Variants in RBL2 observed in about 807,000 individuals in gnomAD.
The protein encoded by RBL2 is retinoblastoma-like protein 2.
Under a neutral mutation model 126.0 loss-of-function variants are expected in RBL2, and 56 were observed. That is an observed-to-expected ratio of 0.44 (90% CI 0.36 to 0.56). The LOEUF (loss-of-function observed/expected upper bound fraction) is 0.56. Among genes scored for constraint, RBL2 ranks in the 20% least tolerant of loss-of-function variants. The pLI is 0.00. For synonymous variants in RBL2, 454 were observed against 478.5 expected, an observed-to-expected ratio of 0.95 and a Z score of 0.67; for missense variants, 1,229 against 1,398.2, an observed-to-expected ratio of 0.88 and a Z score of 1.93.
chr16:53,485,101 GA>G (rs1961112917), intron 21 of RBL2, among the ~76,000 whole-genome samples: 2 of 152,054 alleles, frequency 1.3e-5, no homozygotes, highest in South Asian at 4.2e-4. Context: ...ATTATCAACT[GA>G]TTGACATTTA....
At chr16:53,459,424 A>G (rs1221475563) in intron 8 of RBL2, 27 bp from the exon 9 acceptor site, 1 of 1,573,202 alleles carries the variant, frequency 6.4e-7, no homozygotes, top group Non-Finnish European at 8.7e-7. Flanking sequence ...ATGTTTATTA[A>G]TTCTGTGTAA....
chr16:53,449,183 CTT>C (rs1373978771), intron 4 of RBL2: 1 of 152,088 alleles, frequency 6.6e-6, no homozygotes, highest in Non-Finnish European at 1.5e-5. Context: ...TGATGGTAAT[CTT>C]TTCATATGAT....
At chr16:53,483,786 A>G (rs1479812248) in intron 21 of RBL2, among the ~76,000 whole-genome samples, 1 of 151,532 alleles carries the variant, frequency 6.6e-6, no homozygotes, top group Non-Finnish European at 1.5e-5. Context: ...CCAGCTACTC[A>G]GAATCGCTTG....
rs139128915 is a variant in RBL2, at chr16:53,444,744, A to G, written c.572+1886A>G. ...GTGCCTGTTGTCCCAGCTACTTGAG[A>G]GGCTGAGGCAGGTGAATCACTTGAA... On this transcript the variant is annotated intron_variant, in intron 3 of 21. Coordinates refer to ENST00000262133, the MANE Select transcript of RBL2 (RefSeq NM_005611.4). Among the ~76,000 whole-genome samples, 754 of 152,026 alleles carry G rather than the reference A, an allele frequency of 5.0e-3. 15 individuals are homozygous for G. Among genetic ancestry groups the G allele is most frequent in the African/African-American group, 0.017 (716 of 41,458 alleles).
At chr16:53,483,566 A>G (rs1221064171) in intron 21 of RBL2, among the ~76,000 whole-genome samples, 1 of 151,820 alleles carries the variant, frequency 6.6e-6, no homozygotes, top group Non-Finnish European at 1.5e-5. Context: ...GAGGAAAACA[A>G]GTAAACAAGA....
At chr16:53,439,190 G>C in intron 2 of RBL2, 44 bp downstream of exon 2, 3 of 1,466,526 alleles carry the variant, frequency 2.0e-6, no homozygotes, top group Non-Finnish European at 2.7e-6. Flanking sequence ...GCTAATGTAA[G>C]CTCATAAATC....
At position 53,470,066 on chromosome 16, in the gene RBL2, T is replaced by C. The variant is rs758650104; in HGVS notation, c.2126T>C (p.Val709Ala). The C allele has an allele frequency of 1.9e-6, 3 of 1,614,112 alleles. No homozygotes were observed. Among genetic ancestry groups the C allele is most frequent in the African/African-American group, 1.3e-5 (1 of 74,948 alleles). Residue 709 changes from valine (V) to alanine (A), a missense_variant, in exon 15 of 22, where the codon GTG becomes GCG. Val to Ala is a moderately conservative substitution (Grantham distance 64, BLOSUM62 0). This residue lies in a region of RBL2 where 1,070 missense variants were observed against 1,274.3 expected (regional missense o/e 0.84). Transcript: ENST00000262133. ...PPQPLVNAVP[V>A]QNVSGETVSV... ...CAGCCCCTAGTCAATGCTGTCCCTGTGCAGAATGTATCTGGGGAGACTGTT... is the reference window on the plus strand; with the variant it reads ...CAGCCCCTAGTCAATGCTGTCCCTGCGCAGAATGTATCTGGGGAGACTGTT...
At chr16:53,479,319 C>T in intron 18 of RBL2, 94 bp downstream of exon 18, 1 of 1,064,148 alleles carries the variant, frequency 9.4e-7, no homozygotes, top group Non-Finnish European at 1.4e-6. Context: ...GCCTTTTTTC[C>T]AAGATAAACA....
Position 53,462,662 on chromosome 16 carries a change from A to G in RBL2, c.1560+7A>G. ...AGGAGACATGGATTTATCTGTGAGT[A>G]AAATAACCAATGTATTGATCAGCGC... On this transcript the variant is annotated splice_region_variant and intron_variant, in intron 11 of 21. Transcript: ENST00000262133. The G allele has an allele frequency of 6.8e-7, 1 of 1,473,632 alleles. No individual in the cohort carries two copies. Among genetic ancestry groups the G allele is most frequent in the Non-Finnish European group, 9.3e-7 (1 of 1,079,948 alleles). 91.3% of individuals were successfully genotyped at this position (1,473,632 alleles called of 1,614,324 possible). A position where few individuals can be genotyped will look rare whatever the true frequency, so the allele number is the denominator to read the frequency against.
At chr16:53,478,279 A>G (rs1347904521) in intron 17 of RBL2, among the ~76,000 whole-genome samples, 1 of 152,106 alleles carries the variant, frequency 6.6e-6, no homozygotes, top group Non-Finnish European at 1.5e-5. Flanking sequence ...TTGGCTTTGA[A>G]CATTTTTACT....
chr16:53,447,170 T>G lies in RBL2; in HGVS notation c.637+64T>G, dbSNP rs371077837. On this transcript the variant is annotated intron_variant, in intron 4 of 21. Coordinates refer to ENST00000262133, the MANE Select transcript of RBL2 (RefSeq NM_005611.4). The stretch of plus-strand genomic sequence containing the variant: ...TATTTACATTTTCAGGTATTAATTT[T>G]GTCAACTTCTAATATGTATCAGGAA... 705 of 919,246 alleles carry G rather than the reference T, an allele frequency of 7.7e-4. 15 individuals are homozygous for G. The South Asian group carries it at 0.011, about 14-fold the overall frequency. 56.9% of individuals were successfully genotyped at this position (919,246 alleles called of 1,614,324 possible). A position where few individuals can be genotyped will look rare whatever the true frequency, so the allele number is the denominator to read the frequency against.
In RBL2 at chr16:53,445,458, C is replaced by T. The variant is rs531198353; in HGVS notation, c.573-1584C>T. ...CACTTACTGAGCATTTACTTTGGGG[C>T]AGGGACTCTTAAGACTTCAATATGT... On this transcript the variant is annotated intron_variant, in intron 3 of 21. Transcript: ENST00000262133. 4.5e-4 allele frequency among the ~76,000 whole-genome samples: 68 copies of T among 152,132 alleles called. 1 individual carries two copies. The South Asian group carries it at 0.014, about 31-fold the overall frequency.
chr16:53,482,876 AAAAG>A (rs1418310755), intron 21 of RBL2, among the ~76,000 whole-genome samples: 1 of 152,090 alleles, frequency 6.6e-6, no homozygotes, highest in Non-Finnish European at 1.5e-5. Flanking sequence ...ACTCTTCAAA[AAAAG>A]GTCAGTATGG....
chr16:53,469,930 AC>A lies in RBL2; in HGVS notation c.1992del (p.Thr665HisfsTer39). 1 of 1,570,048 alleles carries A rather than the reference AC, an allele frequency of 6.4e-7. No individual in the cohort carries two copies. Among genetic ancestry groups the A allele is most frequent in the Non-Finnish European group, 8.7e-7 (1 of 1,153,204 alleles). On this transcript the variant is annotated frameshift_variant, in exon 15 of 22. Coordinates refer to ENST00000262133, the MANE Select transcript of RBL2 (RefSeq NM_005611.4). LOFTEE classifies it high-confidence loss of function. ...GGLGRSITSP[T>X]TLYDRYSSPP... ...TTTGACCCTAGGCATAACATCTCCA[AC>A]CACATTATACGATAGGTACAGCTCC...
In RBL2 at chr16:53,490,236, C is replaced by T. The variant is rs2150836814; in HGVS notation, c.3356C>T (p.Pro1119Leu). 3.7e-6 allele frequency: 6 copies of T among 1,612,532 alleles called. 1 individual carries two copies. In the South Asian group the frequency reaches 5.5e-5, roughly 15 times the overall value. Residue 1119 changes from proline to leucine, a missense_variant, in exon 22 of 22, where the codon CCA becomes CTA. Physicochemically the swap from Pro to Leu is moderately conservative, Grantham distance 98. Around this residue, in one of 2 missense-constraint regions of RBL2, gnomAD observed 1,070 missense variants for 1,274.3 expected, o/e 0.84. Coordinates refer to ENST00000262133, the MANE Select transcript of RBL2 (RefSeq NM_005611.4). ...GSESPAKRIC[P>L]ENHSALLRRL... is the part of the protein sequence containing the mutation. ...GAATCACCTGCAAAAAGAATTTGCC[C>T]AGAAAATCATTCTGCCTTATTACGC...
At chr16:53,457,981 C>A (rs1458711997) in intron 8 of RBL2, among the ~76,000 whole-genome samples, 2 of 152,152 alleles carry the variant, frequency 1.3e-5, no homozygotes, top group Non-Finnish European at 2.9e-5. Flanking sequence ...TCGGTTCATG[C>A]ACAGTGAAGT....
In RBL2 at chr16:53,434,650, G is replaced by GAAGACGCCGCGCCGCCTGCCGAGTCGC. The variant is rs554081083; in HGVS notation, c.95_121dup (p.Ser40_Pro41insGlnAspAlaAlaProProAlaGluSer). 3.4e-4 allele frequency: 528 copies of GAAGACGCCGCGCCGCCTGCCGAGTCGC among 1,563,986 alleles called. 1 individual carries two copies. In the African/African-American group the frequency reaches 6.1e-3, roughly 18 times the overall value. ...GGAGGAGGAGGACGACGGCGAGGCGGAAGACGCCGCGCCGCCTGCCGAGTC... is the reference window on the plus strand; with the variant it reads ...GGAGGAGGAGGACGACGGCGAGGCGGAAGACGCCGCGCCGCCTGCCGAGTCGCAAGACGCCGCGCCGCCTGCCGAGTC... On this transcript the variant is annotated inframe_insertion, in exon 1 of 22. Transcript: ENST00000262133.
intron 1 of RBL2, among the ~76,000 whole-genome samples, chr16:53,436,753 G>C (rs540577116): frequency 2.3e-4 from 35 of 152,302 alleles, no homozygotes; most frequent in Non-Finnish European, 4.1e-4. Context: ...AGACTGTTAA[G>C]TAATTTCCCC....
chr16:53,470,838 A>G lies in RBL2; in HGVS notation c.2619A>G (p.Glu873=). Residue 873 remains glutamate, a synonymous_variant, in exon 17 of 22, where the codon GAA becomes GAG. Coordinates refer to ENST00000262133, the MANE Select transcript of RBL2 (RefSeq NM_005611.4). ...ELRKKIWTCF[E]FSIIQCPELM... is the part of the protein sequence containing the mutation. ...GGAAAAAAATCTGGACCTGCTTTGAATTCTCCATAATTCAGTGTCCTGAAC... is the reference window on the plus strand; with the variant it reads ...GGAAAAAAATCTGGACCTGCTTTGAGTTCTCCATAATTCAGTGTCCTGAAC... 1 of 1,614,126 alleles carries G rather than the reference A, an allele frequency of 6.2e-7. No individual in the cohort carries two copies. The highest frequency in any genetic ancestry group is 1.3e-5 in the African/African-American group (1 of 75,050).
Sources: gnomAD v4.1 joint callset for allele counts (sites outside exome capture counted in the v4.1 genomes callset) on GRCh38, gnomAD v4.1.1 for gene constraint, gnomAD v4.1.1 regional missense constraint, MANE v1.5 for transcripts, NCBI Gene and HGNC (gene_info 2026-07-23, HGNC 2026-07-21) for gene names.